Variants in LTBP4 observed in about 807,000 individuals in gnomAD.
LTBP4 encodes the protein latent transforming growth factor beta binding protein 4.
Under a neutral mutation model 180.2 loss-of-function variants are expected in LTBP4, and 93 were observed. That is an observed-to-expected ratio of 0.52 (90% CI 0.44 to 0.61). LTBP4 has a LOEUF of 0.61. LTBP4 is among the 20% of genes least tolerant of loss of function. The pLI is 0.00. For missense variants in LTBP4, 2,116 were observed against 2,256.5 expected, an observed-to-expected ratio of 0.94 and a Z score of 1.26; for synonymous variants, 947 against 934.5, an observed-to-expected ratio of 1.01 and a Z score of -0.24.
At chr19:40,618,259 G>GT (rs1055926861) in intron 21 of LTBP4, among the ~76,000 whole-genome samples, 1,945 of 135,816 alleles carry the variant, frequency 0.014, 35 homozygotes, top group African/African-American at 0.034. Flanking sequence ...GTAGAGATGA[G>GT]TTTTTTTTTT....
At position 40,612,002 on chromosome 19, in the gene LTBP4, G is replaced by A. The variant is rs770165182; in HGVS notation, c.2179+18G>A. ...GTGCGAGGGTGAGGCCGGGGAGGGAGGGAGGAGTGTGGATGGGTGAGGGGG... is the reference window on the plus strand; with the variant it reads ...GTGCGAGGGTGAGGCCGGGGAGGGAAGGAGGAGTGTGGATGGGTGAGGGGG... On this transcript the variant is annotated intron_variant, in intron 14 of 29. Transcript: ENST00000396819. 1.2e-6 allele frequency: 2 copies of A among 1,612,930 alleles called. No individual in the cohort carries two copies. Among genetic ancestry groups the A allele is most frequent in the Non-Finnish European group, 1.7e-6 (2 of 1,179,468 alleles).
intron 22 of LTBP4, among the ~76,000 whole-genome samples, chr19:40,620,861 A>G (rs2081581930): frequency 6.6e-6 from 1 of 151,226 alleles, no homozygotes; most frequent in African/African-American, 2.4e-5. Context: ...CAGGCTTTTT[A>G]CCTGGGTATA....
At position 40,623,683 on chromosome 19, in the gene LTBP4, C is replaced by A. The variant is rs1449441588; in HGVS notation, c.3636C>A (p.Cys1212Ter). Residue 1212 changes from cysteine (C) to a stop codon, truncating the protein, a stop_gained, in exon 25 of 30, where the codon TGC (cysteine) becomes TGA (stop). Coordinates refer to ENST00000396819, the MANE Select transcript of LTBP4 (RefSeq NM_001042545.2). LOFTEE classifies it high-confidence loss of function. ...TGAACACGGCCCCGGGCTACTCATG[C>A]TATTGCAGCAACGGCTACTACTACC... Reference protein sequence around the residue: ...VCVNTAPGYSCYCSNGYYYHT... With the variant: ...VCVNTAPGYS The A allele has an allele frequency of 6.2e-7, 1 of 1,613,810 alleles. No individual in the cohort carries two copies. Among genetic ancestry groups the A allele is most frequent in the Non-Finnish European group, 8.5e-7 (1 of 1,179,898 alleles).
chr19:40,613,640 C>G lies in LTBP4; in HGVS notation c.2557+111C>G. ...AAAACGAGTTTTTAGCCGGGGTATT[C>G]CAGCAGGATCAGGGGGCAGCTGGTG... On this transcript the variant is annotated intron_variant, in intron 17 of 29. Transcript: ENST00000396819. The surrounding 1 kb of genome is among the most constrained non-coding windows in gnomAD (Gnocchi z 5.0). 6.6e-7 allele frequency: 1 copy of G among 1,506,124 alleles called. No homozygotes were observed. Among genetic ancestry groups the G allele is most frequent in the Admixed American group, 2.0e-5 (1 of 50,850 alleles). 93.3% of individuals were successfully genotyped at this position (1,506,124 alleles called of 1,614,324 possible).
Position 40,627,194 on chromosome 19 carries a change from C to A in LTBP4, c.4205C>A (p.Pro1402His), listed in dbSNP as rs764742249. 6.2e-7 allele frequency: 1 copy of A among 1,611,978 alleles called. No individual in the cohort carries two copies. Among genetic ancestry groups the A allele is most frequent in the South Asian group, 1.1e-5 (1 of 90,694 alleles). Residue 1402 changes from proline (P) to histidine (H), a missense_variant, in exon 28 of 30, where the codon CCC (proline) becomes CAC (histidine). Coordinates refer to ENST00000396819, the MANE Select transcript of LTBP4 (RefSeq NM_001042545.2). The stretch of plus-strand genomic sequence containing the variant: ...CGCCGGGAGGCTCCTTATGGGGCAC[C>A]CCGCTTCGACATGCCAGACTTTGAG... The part of the protein sequence containing the change: ...FARREAPYGA[P>H]RFDMPDFEDD...
In LTBP4 at chr19:40,606,397, C is replaced by T. The variant is rs781484558; in HGVS notation, c.869-7C>T. On this transcript the variant is annotated splice_polypyrimidine_tract_variant and splice_region_variant and intron_variant, in intron 5 of 29. Coordinates refer to ENST00000396819, the MANE Select transcript of LTBP4 (RefSeq NM_001042545.2). ...TGACTCCACGGTGACCTCCCCAACC[C>T]TGGCAGATGTGGATGAGTGCGCGAC... 1 of 1,606,972 alleles carries T rather than the reference C, an allele frequency of 6.2e-7. No homozygotes were observed. Among genetic ancestry groups the T allele is most frequent in the African/African-American group, 1.3e-5 (1 of 74,944 alleles).
chr19:40,593,720 G>C (rs918830698), intron 1 of LTBP4, among the ~76,000 whole-genome samples: 5 of 151,702 alleles, frequency 3.3e-5, no homozygotes, highest in African/African-American at 4.8e-5. Context: ...TTCCAGGCCG[G>C]AGAATCCAGA....
rs1402925801 is a variant in LTBP4 at position 40,623,911 on chromosome 19, T to C, written c.3686-25T>C. 15 of 1,612,806 alleles carry C rather than the reference T, an allele frequency of 9.3e-6. No individual in the cohort carries two copies. In the Admixed American group the frequency reaches 2.3e-4, roughly 25 times the overall value. On this transcript the variant is annotated intron_variant, in intron 25 of 29. Coordinates refer to ENST00000396819, the MANE Select transcript of LTBP4 (RefSeq NM_001042545.2). ...AAAGGGTGGGGAGAGTTGAAGGGGA[T>C]GCCTCTTAATCATCCTCTCCCTAGA...
In LTBP4 at chr19:40,608,902, CAAAAAAAAAA is replaced by C. The variant is rs538438732; in HGVS notation, c.1426+309_1426+318del. On this transcript the variant is annotated intron_variant, in intron 9 of 29. Coordinates refer to ENST00000396819, the MANE Select transcript of LTBP4 (RefSeq NM_001042545.2). ...CTCCAGCTTGAGCGACACTCCATCT[CAAAAAAAAAA>C]AAAAAAAAAGAATTCAGGGCATTGA... 6 of 82,744 alleles carry C rather than the reference CAAAAAAAAAA, an allele frequency of 7.3e-5. No individual in the cohort carries two copies. In the East Asian group the frequency reaches 1.7e-3, roughly 23 times the overall value. The allele number at this position is 82,744 out of a possible 1,614,324, so 5.1% of individuals were successfully genotyped here.
chr19:40,596,215 C>T (rs2081389743), intron 1 of LTBP4, among the ~76,000 whole-genome samples: 1 of 151,844 alleles, frequency 6.6e-6, no homozygotes, highest in Non-Finnish European at 1.5e-5. Context: ...CCACCGCGCC[C>T]GGCCTAATTT....
chr19:40,623,035 T>G lies in LTBP4; in HGVS notation c.3556+14T>G. ...GCCTCCGGAGAGGTGAGGCCAGCCT[T>G]TGACCCTCCACCCCACTCAGCTCTG... On this transcript the variant is annotated intron_variant, in intron 24 of 29. Transcript: ENST00000396819. The G allele has an allele frequency of 6.3e-7, 1 of 1,598,230 alleles. No homozygotes were observed. Among genetic ancestry groups the G allele is most frequent in the Non-Finnish European group, 8.5e-7 (1 of 1,172,034 alleles).
Position 40,629,253 on chromosome 19 carries a change from A to T in LTBP4, c.4520-143A>T, listed in dbSNP as rs1599881988. ...GAGGTTAAGCCACCTGGCCGGGCTC[A>T]CACAGTTAGCAGATGGCAGAGGCCA... On this transcript the variant is annotated intron_variant, in intron 29 of 29. Transcript: ENST00000396819. The surrounding 1 kb of genome is among the most constrained non-coding windows in gnomAD (Gnocchi z 4.5). 1 of 844,110 alleles carries T rather than the reference A, an allele frequency of 1.2e-6. No homozygotes were observed. Among genetic ancestry groups the T allele is most frequent in the South Asian group, 2.1e-5 (1 of 48,384 alleles). 52.3% of individuals were successfully genotyped at this position (844,110 alleles called of 1,614,324 possible).
intron 1 of LTBP4, among the ~76,000 whole-genome samples, chr19:40,593,816 C>A (rs1374328752): frequency 6.6e-6 from 1 of 151,322 alleles, no homozygotes; most frequent in Non-Finnish European, 1.5e-5. Context: ...TTTTTTGAGA[C>A]AGGGTCTTTC....
intron 26 of LTBP4, among the ~76,000 whole-genome samples, chr19:40,625,478 A>G (rs2081627339): frequency 6.6e-6 from 1 of 150,784 alleles, no homozygotes; most frequent in Non-Finnish European, 1.5e-5. Flanking sequence ...CCACTGTCCC[A>G]ACCACTCTTC....
At chr19:40,602,300 C>G (rs1303958500) in intron 1 of LTBP4, among the ~76,000 whole-genome samples, 2 of 147,012 alleles carry the variant, frequency 1.4e-5, no homozygotes, top group Non-Finnish European at 3.0e-5. Context: ...GCGGAGGGGA[C>G]AGGAGGTGTA....
At chr19:40,599,304 G>A, upstream of LTBP4, 1 of 1,613,236 alleles carries the variant, frequency 6.2e-7, no homozygotes, top group African/African-American at 1.3e-5. Context: ...GGGAATAGGA[G>A]GAGAGGGGCA....
Position 40,625,268 on chromosome 19 carries a change from A to ATT in LTBP4, c.3833-588_3833-587insTT, listed in dbSNP as rs2081617469. ...TTTTTGTATTTATATATATATATAT[A>ATT]TATATATATATATATATATATATAT... On this transcript the variant is annotated intron_variant, in intron 26 of 29. Transcript: ENST00000396819. 2.2e-3 allele frequency among the ~76,000 whole-genome samples: 6 copies of ATT among 2,780 alleles called. 1 individual carries two copies. The highest frequency in any genetic ancestry group is 0.018 in the African/African-American group (6 of 326). The allele number at this position is 2,780 out of a possible 152,430, so 1.8% of individuals were successfully genotyped here. A position where few individuals can be genotyped will look rare whatever the true frequency, so the allele number is the denominator to read the frequency against.
chr19:40,599,934 C>A, upstream of LTBP4: 1 of 467,568 alleles, frequency 2.1e-6, no homozygotes, highest in Non-Finnish European at 3.8e-6. Context: ...GAGGCCTGGT[C>A]CCCATAAATA....
chr19:40,619,375 T>A lies in LTBP4; in HGVS notation c.3099T>A (p.Gly1033=), dbSNP rs1012591541. 1 of 1,613,686 alleles carries A rather than the reference T, an allele frequency of 6.2e-7. No individual in the cohort carries two copies. The highest frequency in any genetic ancestry group is 8.5e-7 in the Non-Finnish European group (1 of 1,179,848). Residue 1033 remains glycine (G), a synonymous_variant, in exon 22 of 30, where the codon GGT becomes GGA. Coordinates refer to ENST00000396819, the MANE Select transcript of LTBP4 (RefSeq NM_001042545.2). ...VDVNECETLQ[G]VCGAALCENV... ...TGAACGAGTGTGAAACACTACAGGG[T>A]GTATGTGGAGCTGCCCTGTGTGAAA...
Sources: gnomAD v4.1 joint callset for allele counts (sites outside exome capture counted in the v4.1 genomes callset) on GRCh38, gnomAD v4.1.1 for gene constraint, Gnocchi (gnomAD v3.1) non-coding constraint, MANE v1.5 for transcripts, NCBI Gene and HGNC (gene_info 2026-07-23, HGNC 2026-07-21) for gene names.